The following DEPDC5 variants were observed in gnomAD, a reference collection of about 807,000 sequenced individuals.
The protein encoded by DEPDC5 is DEP domain containing 5, GATOR1 subcomplex subunit.
In DEPDC5, 73 loss-of-function variants were observed where a neutral mutation model predicts 217.3. The ratio of observed to expected loss-of-function variants is 0.34; its 90% confidence interval spans 0.28 to 0.41. DEPDC5 has a LOEUF of 0.41. Among genes scored for constraint, DEPDC5 ranks in the 10% least tolerant of loss-of-function variants. The pLI is 1.00. For missense variants in DEPDC5, 1,675 were observed against 2,070.1 expected (o/e 0.81, Z 3.70); for synonymous variants, 733 against 756.7 (o/e 0.97, Z 0.51).
In DEPDC5 at chr22:31,801,063, C is replaced by A. The variant is rs548986868; in HGVS notation, c.947-1641C>A. On this transcript the variant is annotated intron_variant, in intron 14 of 42. Transcript: ENST00000651528. The stretch of plus-strand genomic sequence containing the variant: ...ATACCAGCACTTTCGGAGGCTTAGG[C>A]AGCGGGATCACCTGAGGTCAGGAGC... Among the ~76,000 whole-genome samples, 145 of 151,694 alleles carry A rather than the reference C, an allele frequency of 9.6e-4. 1 individual carries two copies. Among genetic ancestry groups the A allele is most frequent in the South Asian group, 9.6e-3 (46 of 4,816 alleles).
rs1167150388 is a variant in DEPDC5, at chr22:31,804,870, C to T, written c.1172C>T (p.Ser391Phe). 1.9e-6 allele frequency: 3 copies of T among 1,613,888 alleles called. No homozygotes were observed. The highest frequency in any genetic ancestry group is 2.5e-6 in the Non-Finnish European group (3 of 1,179,906). Reference protein sequence around the residue: ...KLHNRSAPRDSRLGDDYNIPH... With the variant: ...KLHNRSAPRDFRLGDDYNIPH... ...CATAATCGGAGTGCTCCCCGTGATT[C>T]TCGTCTGGGCGATGACTATAATATC... The change falls in exon 17 of 43, where the codon TCT (serine) becomes TTT (phenylalanine). Residue 391 changes from serine to phenylalanine, a missense_variant. Ser to Phe is a radical substitution (Grantham distance 155, BLOSUM62 -2). Coordinates refer to ENST00000651528, the MANE Select transcript of DEPDC5 (RefSeq NM_001242896.3).
intron 31 of DEPDC5, among the ~76,000 whole-genome samples, chr22:31,855,951 G>A (rs935178884): frequency 1.3e-5 from 2 of 152,080 alleles, no homozygotes; most frequent in African/African-American, 4.8e-5. Flanking sequence ...GTTGCAAATT[G>A]GGTTCTCAGG....
At chr22:31,792,704 C>A in intron 11 of DEPDC5, 41 bp from the exon 12 acceptor site, 1 of 1,424,772 alleles carries the variant, frequency 7.0e-7, no homozygotes, top group South Asian at 1.4e-5. Flanking sequence ...CTGAATTTCT[C>A]TTCTCAGCCT....
rs1330280890 is a variant in DEPDC5 at position 31,876,239 on chromosome 22, T to C, written c.3779T>C (p.Ile1260Thr). Residue 1260 changes from isoleucine (I) to threonine (T), a missense_variant, in exon 37 of 43, where the codon ATA becomes ACA. By Grantham distance (89) the Ile-to-Thr change is moderately conservative (BLOSUM62 -1). This residue lies in a region of DEPDC5 where 194 missense variants were observed against 199.3 expected (regional missense o/e 0.97). Coordinates refer to ENST00000651528, the MANE Select transcript of DEPDC5 (RefSeq NM_001242896.3). ...TFIYGFYFYK[I>T]VTDKEPDRVA... ...ATCTACGGCTTCTATTTCTACAAGA[T>C]AGTAACGGACAAAGAGCCCGACCGA... 1.1e-5 allele frequency: 18 copies of C among 1,613,898 alleles called. No homozygotes were observed. Among genetic ancestry groups the C allele is most frequent in the Non-Finnish European group, 1.4e-5 (17 of 1,179,992 alleles).
chr22:31,830,610 T>C (rs1569039904), intron 24 of DEPDC5, among the ~76,000 whole-genome samples: 1 of 150,044 alleles, frequency 6.7e-6, no homozygotes, highest in African/African-American at 2.5e-5. Context: ...AAATATTTGC[T>C]TTTTCGGGGT....
At chr22:31,786,478 AT>A (rs1251709717) in intron 10 of DEPDC5, among the ~76,000 whole-genome samples, 14 of 142,334 alleles carry the variant, frequency 9.8e-5, no homozygotes, top group African/African-American at 3.5e-4. Context: ...TAAAAGTTTT[AT>A]TTTTATTTTA....
intron 33 of DEPDC5, among the ~76,000 whole-genome samples, chr22:31,862,882 C>G (rs2092563700): frequency 6.6e-6 from 1 of 152,190 alleles, no homozygotes; most frequent in African/African-American, 2.4e-5. Flanking sequence ...TGGTTTAAAA[C>G]AAACATTGGT....
At chr22:31,831,542 C>T (rs1009425346) in intron 24 of DEPDC5, among the ~76,000 whole-genome samples, 1 of 152,086 alleles carries the variant, frequency 6.6e-6, no homozygotes, top group Non-Finnish European at 1.5e-5. Flanking sequence ...ACTGCAACCT[C>T]AGCCTCCCGG....
chr22:31,875,893 A>G, intron 36 of DEPDC5: 1 of 311,380 alleles, frequency 3.2e-6, no homozygotes, highest in South Asian at 7.6e-5. Flanking sequence ...TCAGCCTCCC[A>G]AAGTGCTGGG....
At chr22:31,810,748 G>A (rs2088199062) in intron 20 of DEPDC5, 107 bp downstream of exon 20, 1 of 1,517,310 alleles carries the variant, frequency 6.6e-7, no homozygotes, top group East Asian at 2.3e-5. Context: ...GTTTTGTTTT[G>A]TTTTGTTTCG....
At chr22:31,874,653 A>G (rs558469196) in intron 36 of DEPDC5, among the ~76,000 whole-genome samples, 1 of 152,204 alleles carries the variant, frequency 6.6e-6, no homozygotes, top group Admixed American at 6.5e-5. Flanking sequence ...GAATCTGTGC[A>G]TTTATAAACC....
At chr22:31,790,729 A>C (rs1449116142) in intron 10 of DEPDC5, among the ~76,000 whole-genome samples, 15 of 143,528 alleles carry the variant, frequency 1.0e-4, no homozygotes, top group African/African-American at 3.6e-4. Context: ...ATGAAACCCT[A>C]TCTCTCTTTT....
At chr22:31,811,581 C>T (rs1025746492) in intron 20 of DEPDC5, among the ~76,000 whole-genome samples, 3 of 149,792 alleles carry the variant, frequency 2.0e-5, no homozygotes, top group African/African-American at 4.9e-5. Context: ...ACAGGATCTC[C>T]TTCTGTCACC....
At chr22:31,832,911 T>G (rs1239735381) in intron 24 of DEPDC5, among the ~76,000 whole-genome samples, 1 of 152,242 alleles carries the variant, frequency 6.6e-6, no homozygotes, top group Non-Finnish European at 1.5e-5. Context: ...ATACTTGTTC[T>G]TGTTATAAAA....
intron 38 of DEPDC5, among the ~76,000 whole-genome samples, chr22:31,884,683 C>G (rs1338839000): frequency 6.6e-6 from 1 of 152,158 alleles, no homozygotes; most frequent in Non-Finnish European, 1.5e-5. Flanking sequence ...CTTTATTACC[C>G]CAAGATCTGG....
intron 34 of DEPDC5, among the ~76,000 whole-genome samples, chr22:31,872,823 C>T (rs1262316663): frequency 1.3e-5 from 2 of 152,148 alleles, no homozygotes; most frequent in Non-Finnish European, 2.9e-5. Flanking sequence ...GGCACGACCT[C>T]AGCTCACTGC....
intron 41 of DEPDC5, among the ~76,000 whole-genome samples, chr22:31,904,023 A>G (rs974506864): frequency 6.6e-6 from 1 of 152,134 alleles, no homozygotes; most frequent in African/African-American, 2.4e-5. Context: ...CATAAGGTCC[A>G]TCTCAGAAAG....
chr22:31,856,971 A>G (rs779680755), intron 31 of DEPDC5, among the ~76,000 whole-genome samples: 1 of 152,128 alleles, frequency 6.6e-6, no homozygotes, highest in Non-Finnish European at 1.5e-5. Context: ...GGGTTTCACC[A>G]TGTTGACCAG....
intron 38 of DEPDC5, among the ~76,000 whole-genome samples, chr22:31,885,812 G>C (rs1207693019): frequency 1.3e-4 from 19 of 151,574 alleles, no homozygotes; most frequent in Admixed American, 1.2e-3. Flanking sequence ...AAGGCGGGTG[G>C]ATCACGAGGT....
Sources: gnomAD v4.1 joint callset for allele counts (sites outside exome capture counted in the v4.1 genomes callset) on GRCh38, gnomAD v4.1.1 for gene constraint, gnomAD v4.1.1 regional missense constraint, MANE v1.5 for transcripts, NCBI Gene and HGNC (gene_info 2026-07-23, HGNC 2026-07-21) for gene names.